The following HUNK variants were observed in gnomAD, a reference collection of about 807,000 sequenced individuals.
HUNK encodes the protein hormonally up-regulated Neu-associated kinase.
In HUNK, 21 loss-of-function variants were observed where a neutral mutation model predicts 61.0. The observed-to-expected ratio is 0.34, with a 90% CI of 0.24 to 0.50. The LOEUF (loss-of-function observed/expected upper bound fraction) is 0.50. Ranked by LOEUF, HUNK falls within the 20% of genes least tolerant of loss-of-function variation. HUNK has a pLI of 0.98. For missense variants in HUNK, 772 were observed against 945.7 expected (o/e 0.82, Z 2.41); for synonymous variants, 371 against 386.1 (o/e 0.96, Z 0.46).
chr21:31,876,354 A>G (rs1278719756), intron 1 of HUNK, among the ~76,000 whole-genome samples: 2 of 152,176 alleles, frequency 1.3e-5, no homozygotes, highest in Non-Finnish European at 2.9e-5. Context: ...TAGTTCACTC[A>G]ATTGCTGGCT....
intron 9 of HUNK, among the ~76,000 whole-genome samples, chr21:31,994,891 C>T (rs531020592): frequency 2.6e-5 from 4 of 152,346 alleles, no homozygotes; most frequent in Non-Finnish European, 4.4e-5. Context: ...TTTTGGCTCA[C>T]ATCTATAGTC....
At chr21:31,974,483 T>C (rs1241516184) in intron 6 of HUNK, 72 bp from the exon 7 acceptor site, 9 of 1,380,314 alleles carry the variant, frequency 6.5e-6, no homozygotes, top group Non-Finnish European at 9.8e-7. Flanking sequence ...AAGCTGATTG[T>C]GCCCAGGGGG....
intron 3 of HUNK, among the ~76,000 whole-genome samples, chr21:31,941,268 T>C (rs1199887408): frequency 6.6e-6 from 1 of 152,126 alleles, no homozygotes; most frequent in Non-Finnish European, 1.5e-5. Context: ...CTTAGAAGAT[T>C]CTTAGATAAT....
chr21:31,905,571 A>T (rs962996679), intron 1 of HUNK, among the ~76,000 whole-genome samples: 1 of 152,154 alleles, frequency 6.6e-6, no homozygotes, highest in South Asian at 2.1e-4. Flanking sequence ...GCTCCCTGTT[A>T]TCTGCTTATG....
rs190929211 is a variant in HUNK at position 31,898,168 on chromosome 21, T to G, written c.261+24233T>G. On this transcript the variant is annotated intron_variant, in intron 1 of 10. Transcript: ENST00000270112. ...CACAGGGCAGTATTTCTCAGTCTTATTTTTTAATCCATATACTCTGTAGTG... is the reference window on the plus strand; with the variant it reads ...CACAGGGCAGTATTTCTCAGTCTTAGTTTTTAATCCATATACTCTGTAGTG... 2.4e-3 allele frequency among the ~76,000 whole-genome samples: 357 copies of G among 148,168 alleles called. 4 individuals are homozygous for G. Among genetic ancestry groups the G allele is most frequent in the Non-Finnish European group, 1.3e-3 (88 of 67,350 alleles).
chr21:31,891,421 C>T (rs1254058236), intron 1 of HUNK, among the ~76,000 whole-genome samples: 2 of 152,190 alleles, frequency 1.3e-5, no homozygotes, highest in African/African-American at 4.8e-5. Context: ...TTGCTTATAG[C>T]TTGGCATTTG....
chr21:31,961,857 CT>C (rs34223331), intron 5 of HUNK, among the ~76,000 whole-genome samples: 22,500 of 152,220 alleles, frequency 0.15, 1,828 homozygotes, highest in South Asian at 0.24. Flanking sequence ...AGCTGGAGAA[CT>C]GCTGATCTGC....
In HUNK at chr21:31,937,264, G is replaced by T. The variant is rs148708886; in HGVS notation, c.555-2901G>T. On this transcript the variant is annotated intron_variant, in intron 2 of 10. Coordinates refer to ENST00000270112, the MANE Select transcript of HUNK (RefSeq NM_014586.2). ...TTTCAATAACAAAGTACTAGTTAGA[G>T]AAGACACATAAACCTTTATTTGGCT... 5.1e-4 allele frequency among the ~76,000 whole-genome samples: 77 copies of T among 152,326 alleles called. 1 individual carries two copies. Among genetic ancestry groups the T allele is most frequent in the African/African-American group, 1.7e-3 (70 of 41,580 alleles).
In HUNK at chr21:31,995,851, G is replaced by A. The variant is rs750975114; in HGVS notation, c.1389G>A (p.Ser463=). Residue 463 remains serine (S), a synonymous_variant, in exon 10 of 11, where the codon TCG becomes TCA. Transcript: ENST00000270112. ...AGAAGTTGGACAAGAACCTGCCCTC[G>A]CACAAACAGCCCTCAGGCTCGCTTA... The part of the protein sequence containing the change: ...FSKKLDKNLP[S]HKQPSGSLMT... 154 of 1,613,816 alleles carry A rather than the reference G, an allele frequency of 9.5e-5. 2 individuals carry two copies. In the South Asian group the frequency reaches 1.5e-3, roughly 16 times the overall value.
chr21:31,900,383 C>T (rs1377355917), intron 1 of HUNK, among the ~76,000 whole-genome samples: 2 of 151,104 alleles, frequency 1.3e-5, no homozygotes, highest in South Asian at 4.2e-4. Flanking sequence ...CACAAGCAAG[C>T]GTGTGGTAGC....
intron 1 of HUNK, among the ~76,000 whole-genome samples, chr21:31,923,036 G>GT (rs1300521482): frequency 1.3e-4 from 20 of 152,316 alleles, no homozygotes; most frequent in African/African-American, 3.6e-4. Flanking sequence ...AACCAGGCGG[G>GT]TGGTGTAGGG....
At chr21:31,886,860 C>T (rs548757551) in intron 1 of HUNK, among the ~76,000 whole-genome samples, 2 of 152,112 alleles carry the variant, frequency 1.3e-5, no homozygotes, top group Non-Finnish European at 2.9e-5. Context: ...AGGCTGGTCT[C>T]GAACTCCTGA....
At position 31,915,213 on chromosome 21, in the gene HUNK, G is replaced by A. The variant is rs117662595; in HGVS notation, c.262-9255G>A. Among the ~76,000 whole-genome samples, 712 of 152,194 alleles carry A rather than the reference G, an allele frequency of 4.7e-3. 4 individuals carry two copies. Among genetic ancestry groups the A allele is most frequent in the Non-Finnish European group, 8.0e-3 (547 of 68,022 alleles). On this transcript the variant is annotated intron_variant, in intron 1 of 10. Coordinates refer to ENST00000270112, the MANE Select transcript of HUNK (RefSeq NM_014586.2). Reference sequence around the variant, plus strand: ...GGTTTTCAGGTTAGAGATTAGAGATGTTCAACCTGCATACACTTATACCTA... The same window carrying A: ...GGTTTTCAGGTTAGAGATTAGAGATATTCAACCTGCATACACTTATACCTA...
chr21:31,882,063 A>AC (rs112416572), intron 1 of HUNK, among the ~76,000 whole-genome samples: 139 of 149,362 alleles, frequency 9.3e-4, no homozygotes, highest in Admixed American at 3.8e-3. Context: ...CTGGGAAGAG[A>AC]CCCCCCCTCC....
intron 3 of HUNK, among the ~76,000 whole-genome samples, chr21:31,942,893 T>G (rs1601389895): frequency 6.6e-6 from 1 of 152,016 alleles, no homozygotes; most frequent in East Asian, 1.9e-4. Flanking sequence ...AGACCACACC[T>G]GAGGGCTGGT....
rs1466030078 is a variant in HUNK at position 31,873,583 on chromosome 21, G to A, written c.-92G>A. The stretch of plus-strand genomic sequence containing the variant: ...CAGGCGGGGCTGGGCCCAGGGCGGC[G>A]GCGGGAGAAGCCGGGGAAGCCGAAG... On this transcript the variant is annotated 5_prime_UTR_variant, in exon 1 of 11. Transcript: ENST00000270112. The surrounding 1 kb of genome is among the most constrained non-coding windows in gnomAD (Gnocchi z 6.1). The A allele has an allele frequency of 3.7e-5, 35 of 952,882 alleles. No homozygotes were observed. In the Admixed American group the frequency reaches 2.0e-3, roughly 55 times the overall value. The allele number at this position is 952,882 out of a possible 1,614,324, so 59.0% of individuals were successfully genotyped here. A position where few individuals can be genotyped will look rare whatever the true frequency, so the allele number is the denominator to read the frequency against.
chr21:31,954,205 A>T (rs1353628821), intron 4 of HUNK, among the ~76,000 whole-genome samples: 4 of 152,102 alleles, frequency 2.6e-5, no homozygotes, highest in Non-Finnish European at 5.9e-5. Context: ...TACTTCCTAG[A>T]GGCATCTGCA....
chr21:31,958,623 AC>A (rs1458275029), intron 4 of HUNK, among the ~76,000 whole-genome samples: 1 of 151,282 alleles, frequency 6.6e-6, no homozygotes, highest in Non-Finnish European at 1.5e-5. Flanking sequence ...CAGATGATCC[AC>A]CTCCCAAAGT....
intron 4 of HUNK, among the ~76,000 whole-genome samples, chr21:31,952,793 T>G (rs1378123840): frequency 7.0e-6 from 1 of 143,716 alleles, no homozygotes; most frequent in Non-Finnish European, 1.5e-5. Context: ...GCCTAGTATC[T>G]TTGGGTTTTC....
Sources: gnomAD v4.1 joint callset for allele counts (sites outside exome capture counted in the v4.1 genomes callset) on GRCh38, gnomAD v4.1.1 for gene constraint, Gnocchi (gnomAD v3.1) non-coding constraint, MANE v1.5 for transcripts, NCBI Gene and HGNC (gene_info 2026-07-23, HGNC 2026-07-21) for gene names.